ZBTB20: variants seen among roughly 807,000 people sequenced by gnomAD.
The protein encoded by ZBTB20 is zinc finger and BTB domain containing 20, also known as zinc finger and BTB domain-containing protein 20.
In ZBTB20, 9 loss-of-function variants were observed where a neutral mutation model predicts 56.9. The observed-to-expected ratio is 0.16, with a 90% CI of 0.10 to 0.28. ZBTB20 has a LOEUF of 0.28. Ranked by LOEUF, ZBTB20 falls within the 10% of genes least tolerant of loss-of-function variation. The pLI is 1.00. For synonymous variants in ZBTB20, 417 were observed against 420.7 expected (o/e 0.99, Z 0.11); for missense variants, 655 against 1,003.0 (o/e 0.65, Z 4.69).
chr3:114,981,051 T>G (rs2078305429), intron 2 of ZBTB20, among the ~76,000 whole-genome samples: 1 of 152,030 alleles, frequency 6.6e-6, no homozygotes, highest in African/African-American at 2.4e-5. Context: ...CTTGAACTTT[T>G]GGGAAGTCAG....
At chr3:114,613,453 C>T (rs2057703813) in intron 6 of ZBTB20, among the ~76,000 whole-genome samples, 1 of 152,098 alleles carries the variant, frequency 6.6e-6, no homozygotes, top group Non-Finnish European at 1.5e-5. Flanking sequence ...AGTGGATCAA[C>T]AGACCTAGAC....
At chr3:114,854,559 G>A (rs920065733) in intron 4 of ZBTB20, among the ~76,000 whole-genome samples, 2 of 152,176 alleles carry the variant, frequency 1.3e-5, no homozygotes, top group Non-Finnish European at 2.9e-5. Context: ...AGATTGCATA[G>A]GGTAATGAAA....
At chr3:115,053,589 A>C (rs1179237531) in intron 2 of ZBTB20, among the ~76,000 whole-genome samples, 1 of 152,154 alleles carries the variant, frequency 6.6e-6, no homozygotes, top group East Asian at 1.9e-4. Context: ...CATATGGTTA[A>C]ATTTGTGTAA....
chr3:115,053,467 A>T (rs1226250553), intron 2 of ZBTB20, among the ~76,000 whole-genome samples: 1 of 152,172 alleles, frequency 6.6e-6, no homozygotes, highest in Admixed American at 6.5e-5. Flanking sequence ...GCCAACCATA[A>T]CTCCAATCTC....
chr3:114,707,427 C>T (rs776890586), intron 5 of ZBTB20, among the ~76,000 whole-genome samples: 5 of 152,154 alleles, frequency 3.3e-5, no homozygotes, highest in Admixed American at 6.6e-5. Flanking sequence ...AAGTCCACCA[C>T]AGTACTTCAA....
chr3:114,368,752 A>G (rs1433453791), intron 10 of ZBTB20, among the ~76,000 whole-genome samples: 1 of 152,226 alleles, frequency 6.6e-6, no homozygotes, highest in Non-Finnish European at 1.5e-5. Flanking sequence ...CTTTGCCTGT[A>G]TCACTGCCCA....
intron 2 of ZBTB20, among the ~76,000 whole-genome samples, chr3:115,021,369 A>C (rs1191276939): frequency 6.6e-6 from 1 of 150,844 alleles, no homozygotes; most frequent in African/African-American, 2.4e-5. Context: ...CTTACTGTAA[A>C]GACTGGGGTA....
chr3:114,684,437 T>A (rs760221811), intron 6 of ZBTB20: 1 of 152,154 alleles, frequency 6.6e-6, no homozygotes, highest in Non-Finnish European at 1.5e-5. Context: ...ACAGGAGAAA[T>A]TGGGACAGGT....
intron 5 of ZBTB20, among the ~76,000 whole-genome samples, chr3:114,708,301 G>T (rs2063838863): frequency 6.6e-6 from 1 of 152,088 alleles, no homozygotes; most frequent in South Asian, 2.1e-4. Flanking sequence ...GCAACAGCAT[G>T]GCTTTGAATC....
intron 6 of ZBTB20, among the ~76,000 whole-genome samples, chr3:114,601,046 G>A (rs186142883): frequency 6.6e-5 from 10 of 151,700 alleles, no homozygotes; most frequent in Admixed American, 2.0e-4. Context: ...CATCTGCTGC[G>A]CAGACCTCAA....
intron 4 of ZBTB20, among the ~76,000 whole-genome samples, chr3:114,895,049 T>C (rs1368455824): frequency 6.6e-6 from 1 of 152,130 alleles, no homozygotes; most frequent in Non-Finnish European, 1.5e-5. Flanking sequence ...ATAAACAGCC[T>C]GGCAGAGGAA....
intron 5 of ZBTB20, among the ~76,000 whole-genome samples, chr3:114,781,481 T>G (rs2070094504): frequency 6.6e-6 from 1 of 152,244 alleles, no homozygotes; most frequent in African/African-American, 2.4e-5. Flanking sequence ...CCTAACTTAA[T>G]TCATACCAAT....
intron 7 of ZBTB20, among the ~76,000 whole-genome samples, chr3:114,490,006 C>CCAG (rs1274804309): frequency 6.6e-6 from 1 of 152,106 alleles, no homozygotes; most frequent in Admixed American, 6.5e-5. Flanking sequence ...TCTTGCATTA[C>CCAG]CAGCACCTGG....
intron 4 of ZBTB20, among the ~76,000 whole-genome samples, chr3:114,844,345 ATATATATATATATATATATATATATATT>A (rs1476047118): frequency 7.8e-5 from 1 of 12,786 alleles, no homozygotes; most frequent in Non-Finnish European, 5.1e-4. Flanking sequence ...ATATATATAT[ATATATATATATATATATATATATATATT>A]AGCTGAGAGT....
chr3:115,146,231 T>C (rs571415502), intron 1 of ZBTB20, among the ~76,000 whole-genome samples: 1 of 152,350 alleles, frequency 6.6e-6, no homozygotes, highest in African/African-American at 2.4e-5. Context: ...GTACCGTAGC[T>C]GTACGCCATA....
intron 3 of ZBTB20, among the ~76,000 whole-genome samples, chr3:114,935,288 T>C: frequency 6.6e-6 from 1 of 152,138 alleles, no homozygotes; most frequent in East Asian, 1.9e-4. Flanking sequence ...CTTGTCAGAG[T>C]AATTCCTACC....
intron 7 of ZBTB20, among the ~76,000 whole-genome samples, chr3:114,453,932 C>CG (rs988940953): frequency 2.4e-5 from 3 of 124,682 alleles, no homozygotes; most frequent in Admixed American, 7.9e-5. Context: ...CCCCCCCCCC[C>CG]CACCCTTCCC....
intron 6 of ZBTB20, among the ~76,000 whole-genome samples, chr3:114,552,428 GTT>G (rs1264063719): frequency 1.4e-5 from 2 of 146,924 alleles, no homozygotes; most frequent in South Asian, 2.1e-4. Flanking sequence ...GACTCTTCCT[GTT>G]TTTTTTTTTT....
At chr3:114,806,621 A>C (rs2072124857) in intron 4 of ZBTB20, among the ~76,000 whole-genome samples, 1 of 151,934 alleles carries the variant, frequency 6.6e-6, no homozygotes, top group South Asian at 2.1e-4. Context: ...CTAATTACCA[A>C]GGATTTTATT....
Sources: gnomAD v4.1 joint callset for allele counts (sites outside exome capture counted in the v4.1 genomes callset) on GRCh38, gnomAD v4.1.1 for gene constraint, MANE v1.5 for transcripts, NCBI Gene and HGNC (gene_info 2026-07-23, HGNC 2026-07-21) for gene names.